ZNF385D: variants seen among roughly 807,000 people sequenced by gnomAD.
ZNF385D encodes the protein zinc finger protein 659.
ZNF385D carries 15 observed loss-of-function variants against 35.8 expected under a neutral mutation model. The observed-to-expected ratio is 0.42, with a 90% confidence interval of 0.28 to 0.64. ZNF385D has a LOEUF of 0.64. Among genes scored for constraint, ZNF385D ranks in the 30% least tolerant of loss-of-function variants. The probability of loss-of-function intolerance (pLI) is 0.23; values close to 1 mark genes in which losing one functional copy is unlikely to be tolerated. For missense variants in ZNF385D, 474 were observed against 494.6 expected, an observed-to-expected ratio of 0.96 and a Z score of 0.39; for synonymous variants, 212 against 186.8, an observed-to-expected ratio of 1.13 and a Z score of -1.10.
At chr3:21,691,900 A>G (rs1422785815) in intron 1 of ZNF385D, among the ~76,000 whole-genome samples, 2 of 152,136 alleles carry the variant, frequency 1.3e-5, no homozygotes, top group Admixed American at 6.5e-5. Context: ...TCCCTCCCCC[A>G]GTCCCTGGTA....
At chr3:22,124,245 C>G (rs887345572) in intron 3 of ZNF385D, among the ~76,000 whole-genome samples, 2 of 151,986 alleles carry the variant, frequency 1.3e-5, no homozygotes, top group Admixed American at 6.6e-5. Context: ...CATGCTGTTG[C>G]AAATGACATG....
At chr3:22,102,580 C>T (rs1323792332) in intron 3 of ZNF385D, among the ~76,000 whole-genome samples, 1 of 152,150 alleles carries the variant, frequency 6.6e-6, no homozygotes, top group African/African-American at 2.4e-5. Flanking sequence ...AACTTCTTTG[C>T]TGTCACTGGC....
chr3:21,825,857 G>GC (rs1694579884), intron 3 of ZNF385D, among the ~76,000 whole-genome samples: 1 of 152,178 alleles, frequency 6.6e-6, no homozygotes, highest in Admixed American at 6.5e-5. Flanking sequence ...GGAGGTGAGC[G>GC]CCGGGAAAGC....
At chr3:21,614,834 G>C (rs992583887) in intron 2 of ZNF385D, among the ~76,000 whole-genome samples, 1 of 152,154 alleles carries the variant, frequency 6.6e-6, no homozygotes, top group Admixed American at 6.5e-5. Flanking sequence ...TGATCTGCCT[G>C]CCTCGGCCTC....
intron 2 of ZNF385D, among the ~76,000 whole-genome samples, chr3:22,221,754 C>G (rs1698269115): frequency 6.6e-6 from 1 of 152,006 alleles, no homozygotes; most frequent in Non-Finnish European, 1.5e-5. Context: ...GTACAAAAAG[C>G]TAGTGCAAGG....
At chr3:22,196,416 AAC>A (rs1008250951) in intron 2 of ZNF385D, among the ~76,000 whole-genome samples, 16 of 152,154 alleles carry the variant, frequency 1.1e-4, no homozygotes, top group Admixed American at 8.5e-4. Context: ...TACATTTGAA[AAC>A]ACATATATTT....
chr3:22,170,414 G>A (rs564552480), intron 2 of ZNF385D, among the ~76,000 whole-genome samples: 1 of 152,262 alleles, frequency 6.6e-6, no homozygotes, highest in East Asian at 1.9e-4. Flanking sequence ...TCAAACTAGT[G>A]AACTCCACCA....
intron 3 of ZNF385D, among the ~76,000 whole-genome samples, chr3:22,086,886 G>C (rs7615879): frequency 6.1e-4 from 93 of 152,040 alleles, no homozygotes; most frequent in African/African-American, 1.9e-3. Flanking sequence ...TGAACAATGA[G>C]AACACTTGGA....
intron 1 of ZNF385D, among the ~76,000 whole-genome samples, chr3:21,670,662 CCCCCCCCCCCCAAT>C (rs1559505461): frequency 5.5e-4 from 14 of 25,582 alleles, no homozygotes; most frequent in East Asian, 1.4e-3. Flanking sequence ...CCCCCCCCCC[CCCCCCCCCCCCAAT>C]GACTGAACGA....
intron 2 of ZNF385D, among the ~76,000 whole-genome samples, chr3:22,172,028 T>C (rs1198006980): frequency 1.3e-5 from 2 of 152,180 alleles, no homozygotes; most frequent in Non-Finnish European, 2.9e-5. Context: ...AAATGGAAAT[T>C]TGACATATTT....
intron 3 of ZNF385D, among the ~76,000 whole-genome samples, chr3:21,885,740 CTGTGTGTGTGTGTGTGTG>C (rs3074769): frequency 4.0e-5 from 4 of 101,196 alleles, no homozygotes; most frequent in African/African-American, 8.2e-5. Context: ...GTGTCTGTGT[CTGTGTGTGTGTGTGTGTG>C]TGTGTGTGTG....
chr3:22,166,563 T>C (rs975297375), intron 3 of ZNF385D, among the ~76,000 whole-genome samples: 2 of 152,190 alleles, frequency 1.3e-5, no homozygotes, highest in Non-Finnish European at 2.9e-5. Context: ...AAAAGGAATA[T>C]AACAAGATCA....
intron 1 of ZNF385D, among the ~76,000 whole-genome samples, chr3:21,749,990 A>G (rs2069981621): frequency 6.6e-6 from 1 of 152,222 alleles, no homozygotes; most frequent in Non-Finnish European, 1.5e-5. Context: ...CAGTTGCTCT[A>G]TCAAACCTTT....
chr3:22,188,138 G>C lies in ZNF385D; in HGVS notation c.107-19103C>G, dbSNP rs118035503. ...AAGAGGCAGAAACCTAATTTTCAAA[G>C]TTTATTCTGTGGACAAAGACGAAAC... On this transcript the variant is annotated intron_variant, in intron 2 of 5. Transcript: ENST00000494108. Among the ~76,000 whole-genome samples the C allele has an allele frequency of 1.1e-3, 175 of 152,234 alleles. 2 individuals carry two copies. The East Asian group carries it at 0.027, about 23-fold the overall frequency.
intron 2 of ZNF385D, among the ~76,000 whole-genome samples, chr3:22,268,859 C>A (rs1328692237): frequency 6.6e-6 from 1 of 151,884 alleles, no homozygotes; most frequent in Non-Finnish European, 1.5e-5. Context: ...CCAATTTTCT[C>A]AGTTTCCTTA....
intron 2 of ZNF385D, among the ~76,000 whole-genome samples, chr3:22,233,723 T>C (rs1177030189): frequency 6.6e-6 from 1 of 152,090 alleles, no homozygotes; most frequent in East Asian, 1.9e-4. Context: ...GGCTCTACTT[T>C]CTTGACATTC....
At chr3:21,655,759 G>C (rs775141906) in intron 2 of ZNF385D, among the ~76,000 whole-genome samples, 2 of 151,976 alleles carry the variant, frequency 1.3e-5, no homozygotes, top group South Asian at 4.1e-4. Context: ...AAATTGTACT[G>C]AACTTGGATC....
At chr3:21,582,504 T>C (rs2063696172) in intron 2 of ZNF385D, among the ~76,000 whole-genome samples, 1 of 152,196 alleles carries the variant, frequency 6.6e-6, no homozygotes, top group South Asian at 2.1e-4. Context: ...CATGGGCCTT[T>C]CTTAATAAGT....
chr3:21,415,797 A>G lies in ZNF385D; in HGVS notation c.*5417T>C, dbSNP rs1700554831. The G allele has an allele frequency of 1.3e-5, 2 of 152,086 alleles. No homozygotes were observed. The highest frequency in any genetic ancestry group is 3.9e-4 in the East Asian group (2 of 5,186). 9.4% of individuals were successfully genotyped at this position (152,086 alleles called of 1,614,324 possible). ...ACTCTAAGATACTCTACCTGATCAT[A>G]TATATTAATAGTCAGATTTTACTTC... On this transcript the variant is annotated 3_prime_UTR_variant, in exon 8 of 8. Transcript: ENST00000281523.
Sources: gnomAD v4.1 joint callset for allele counts (sites outside exome capture counted in the v4.1 genomes callset) on GRCh38, gnomAD v4.1.1 for gene constraint, MANE v1.5 for transcripts, NCBI Gene and HGNC (gene_info 2026-07-23, HGNC 2026-07-21) for gene names.